GLYATL2: variants seen among roughly 807,000 people sequenced by gnomAD.
The protein encoded by GLYATL2 is glycine N-acyltransferase-like protein 2.
A neutral mutation model predicts 21.4 loss-of-function variants in GLYATL2; 25 were observed. The ratio of observed to expected loss-of-function variants is 1.17; its 90% CI spans 0.85 to 1.63. The LOEUF (loss-of-function observed/expected upper bound fraction) is 1.63. GLYATL2 is among the 40% of genes most tolerant of loss of function. The probability of loss-of-function intolerance (pLI) is 0.00; values close to 1 mark genes in which losing one functional copy is unlikely to be tolerated. For synonymous variants in GLYATL2, 114 were observed against 118.2 expected (o/e 0.96, Z 0.23); for missense variants, 361 against 343.3 (o/e 1.05, Z -0.41).
At chr11:58,843,516 T>C (rs1014855761) in intron 1 of GLYATL2, among the ~76,000 whole-genome samples, 11 of 152,042 alleles carry the variant, frequency 7.2e-5, no homozygotes, top group Non-Finnish European at 1.5e-4. Context: ...CCAAGGTTGG[T>C]TTTTTCAGGG....
chr11:58,909,459 A>G, the GLYATL2 span, among the ~76,000 whole-genome samples: 8 of 152,196 alleles, frequency 5.3e-5, no homozygotes, highest in Non-Finnish European at 1.0e-4. Context: ...GGTTGATGTC[A>G]TAGATTCTGG....
At chr11:58,884,165 T>A (rs1854394231) in intron 1 of GLYATL2, among the ~76,000 whole-genome samples, 1 of 152,188 alleles carries the variant, frequency 6.6e-6, no homozygotes, top group Non-Finnish European at 1.5e-5. Context: ...AAGACATGGA[T>A]GCCCTCTTTC....
chr11:58,875,312 G>A (rs1262095173), intron 1 of GLYATL2, among the ~76,000 whole-genome samples: 1 of 152,188 alleles, frequency 6.6e-6, no homozygotes, highest in Non-Finnish European at 1.5e-5. Context: ...ACTGTTATGT[G>A]TGAATTTGAT....
intron 1 of GLYATL2, among the ~76,000 whole-genome samples, chr11:58,877,911 TAGTC>T (rs1288059494): frequency 6.6e-6 from 1 of 152,232 alleles, no homozygotes; most frequent in Non-Finnish European, 1.5e-5. Context: ...CCTACCTTAA[TAGTC>T]AGACAAAATT....
intron 1 of GLYATL2, among the ~76,000 whole-genome samples, chr11:58,852,946 G>A (rs540340072): frequency 2.0e-5 from 3 of 152,180 alleles, no homozygotes; most frequent in Non-Finnish European, 2.9e-5. Flanking sequence ...TGAAGTGCTT[G>A]TAACCAACAA....
At chr11:58,836,904 A>G (rs1351399376) in intron 5 of GLYATL2, 111 bp downstream of exon 5, 1 of 921,512 alleles carries the variant, frequency 1.1e-6, no homozygotes, top group African/African-American at 1.7e-5. Flanking sequence ...TACCCATGCA[A>G]TTGTGTAGCC....
chr11:58,877,191 C>G (rs1854250975), intron 1 of GLYATL2, among the ~76,000 whole-genome samples: 1 of 152,256 alleles, frequency 6.6e-6, no homozygotes, highest in South Asian at 2.1e-4. Context: ...TCTGTCACCC[C>G]TTTCTTTGAC....
chr11:58,894,742 G>A (rs1854606851), intron 1 of GLYATL2, among the ~76,000 whole-genome samples: 1 of 152,148 alleles, frequency 6.6e-6, no homozygotes, highest in South Asian at 2.1e-4. Context: ...GGCTGTGGTA[G>A]ATCTGTTACA....
At chr11:58,893,794 C>G (rs1407364849) in intron 1 of GLYATL2, among the ~76,000 whole-genome samples, 1 of 152,114 alleles carries the variant, frequency 6.6e-6, no homozygotes, top group East Asian at 1.9e-4. Context: ...ATAGAATCTA[C>G]TATCTGGAAG....
chr11:58,868,713 T>C (rs1361149854), intron 1 of GLYATL2, among the ~76,000 whole-genome samples: 1 of 148,928 alleles, frequency 6.7e-6, no homozygotes, highest in Non-Finnish European at 1.5e-5. Context: ...GCTTACCCAA[T>C]TTTGGCTGGA....
chr11:58,883,698 TC>T (rs980684836), intron 1 of GLYATL2, among the ~76,000 whole-genome samples: 136 of 152,278 alleles, frequency 8.9e-4, no homozygotes, highest in African/African-American at 3.2e-3. Context: ...AAAGAGGGAA[TC>T]TTCTCTAACT....
At chr11:58,858,927 G>A (rs11229666) in intron 1 of GLYATL2, among the ~76,000 whole-genome samples, 1 of 152,128 alleles carries the variant, frequency 6.6e-6, no homozygotes, top group African/African-American at 2.4e-5. Context: ...CTCCAAACCA[G>A]ATATTCTTGC....
At chr11:58,900,311 T>C (rs1303641214) in intron 1 of GLYATL2, among the ~76,000 whole-genome samples, 1 of 152,196 alleles carries the variant, frequency 6.6e-6, no homozygotes, top group African/African-American at 2.4e-5. Flanking sequence ...ATAAAATTAT[T>C]CAAGGGCTGT....
At chr11:58,857,766 C>T (rs1853855397) in intron 1 of GLYATL2, among the ~76,000 whole-genome samples, 1 of 151,820 alleles carries the variant, frequency 6.6e-6, no homozygotes, top group Non-Finnish European at 1.5e-5. Flanking sequence ...CATCTTGACT[C>T]CAGACTCCCC....
intron 1 of GLYATL2, among the ~76,000 whole-genome samples, chr11:58,876,404 C>G (rs999949255): frequency 3.3e-5 from 5 of 152,098 alleles, no homozygotes; most frequent in Non-Finnish European, 5.9e-5. Flanking sequence ...CTCTGTTTTT[C>G]CCCATCTTTG....
chr11:58,851,266 C>T (rs1853736297), intron 1 of GLYATL2, among the ~76,000 whole-genome samples: 1 of 152,186 alleles, frequency 6.6e-6, no homozygotes, highest in Non-Finnish European at 1.5e-5. Context: ...TCTATGATCT[C>T]TCATCTCTGC....
At chr11:58,871,615 ATCCTTTTT>A (rs1271173033) in intron 1 of GLYATL2, among the ~76,000 whole-genome samples, 2 of 152,092 alleles carry the variant, frequency 1.3e-5, no homozygotes, top group Non-Finnish European at 2.9e-5. Context: ...ACATGAACTC[ATCCTTTTT>A]TATGGCTGCA....
At chr11:58,857,888 CAAAAAAAAA>C (rs545952478) in intron 1 of GLYATL2, among the ~76,000 whole-genome samples, 1,666 of 108,474 alleles carry the variant, frequency 0.015, 24 homozygotes, top group Middle Eastern at 0.038. Context: ...TTTTCCCCTC[CAAAAAAAAA>C]AAAAAAAAAA....
rs1190844771 is a variant in GLYATL2 at position 58,868,835 on chromosome 11, A to T, written n.61-30467T>A. On this transcript the variant is annotated intron_variant and non_coding_transcript_variant, in intron 1 of 4. Transcript: ENST00000533636. Reference sequence around the variant, plus strand: ...ATCTGCATCCAGATAGGTGACTGTCATTTGTGGGCCCAGACAGAAGGCTCT... The same window carrying T: ...ATCTGCATCCAGATAGGTGACTGTCTTTTGTGGGCCCAGACAGAAGGCTCT... Among the ~76,000 whole-genome samples the T allele has an allele frequency of 2.7e-5, 4 of 149,152 alleles. 1 individual carries two copies. The highest frequency in any genetic ancestry group is 4.8e-5 in the African/African-American group (2 of 41,262).
Sources: gnomAD v4.1 joint callset for allele counts (sites outside exome capture counted in the v4.1 genomes callset) on GRCh38, gnomAD v4.1.1 for gene constraint, MANE v1.5 for transcripts, NCBI Gene and HGNC (gene_info 2026-07-23, HGNC 2026-07-21) for gene names.